The following KSR2 variants were observed in gnomAD, a reference collection of about 807,000 sequenced individuals.
KSR2 encodes kinase suppressor of ras 2.
KSR2 carries 25 observed loss-of-function variants against 107.8 expected under a neutral mutation model. That is an observed-to-expected ratio of 0.23 (90% CI 0.17 to 0.32). The LOEUF (loss-of-function observed/expected upper bound fraction) is 0.32. KSR2 is among the 10% of genes least tolerant of loss of function. The probability of loss-of-function intolerance (pLI) is 1.00; values close to 1 mark genes in which losing one functional copy is unlikely to be tolerated. For synonymous variants in KSR2, 480 were observed against 507.0 expected (o/e 0.95, Z 0.71); for missense variants, 887 against 1,268.9 (o/e 0.70, Z 4.57).
chr12:117,684,939 T>C (rs1885508779), intron 4 of KSR2, among the ~76,000 whole-genome samples: 1 of 152,202 alleles, frequency 6.6e-6, no homozygotes, highest in Non-Finnish European at 1.5e-5. Context: ...CAGAGGTACC[T>C]GTGCAAACAG....
At chr12:117,803,083 G>C (rs1266319646) in intron 3 of KSR2, among the ~76,000 whole-genome samples, 1 of 152,152 alleles carries the variant, frequency 6.6e-6, no homozygotes, top group Non-Finnish European at 1.5e-5. Context: ...AAGCGATTCT[G>C]GGCAAAATAA....
intron 1 of KSR2, among the ~76,000 whole-genome samples, chr12:117,929,311 G>C (rs1352813424): frequency 2.0e-5 from 3 of 152,148 alleles, no homozygotes; most frequent in Non-Finnish European, 2.9e-5. Flanking sequence ...ATTGAATCAT[G>C]GGGGTGGTTT....
intron 14 of KSR2, among the ~76,000 whole-genome samples, chr12:117,521,597 G>A (rs1874764453): frequency 6.6e-6 from 1 of 152,204 alleles, no homozygotes; most frequent in South Asian, 2.1e-4. Context: ...CATTCCCCAA[G>A]AGCCACACAT....
chr12:117,524,777 G>A (rs1302047324), intron 14 of KSR2, 75 bp downstream of exon 14: 3 of 1,515,336 alleles, frequency 2.0e-6, no homozygotes, highest in Non-Finnish European at 2.7e-6. Context: ...GGTCAAGTAA[G>A]CAGAAAACCA....
chr12:117,635,746 A>G (rs996979835), intron 5 of KSR2, among the ~76,000 whole-genome samples: 1 of 152,138 alleles, frequency 6.6e-6, no homozygotes, highest in African/African-American at 2.4e-5. Flanking sequence ...AACCTCTTAC[A>G]TAACCACAAT....
intron 4 of KSR2, among the ~76,000 whole-genome samples, chr12:117,753,807 A>G (rs1888690486): frequency 8.4e-6 from 1 of 118,750 alleles, no homozygotes; most frequent in Non-Finnish European, 1.7e-5. Flanking sequence ...CGTGACCTTA[A>G]AATGAAAGTT....
intron 14 of KSR2, among the ~76,000 whole-genome samples, chr12:117,512,363 C>T (rs1199520932): frequency 6.6e-6 from 1 of 152,168 alleles, no homozygotes; most frequent in African/African-American, 2.4e-5. Context: ...TGCAGGAATG[C>T]TGCGTCCTCT....
intron 1 of KSR2, among the ~76,000 whole-genome samples, chr12:117,927,782 T>C (rs778083563): frequency 6.6e-6 from 1 of 152,190 alleles, no homozygotes; most frequent in Non-Finnish European, 1.5e-5. Flanking sequence ...TGTACTCGTA[T>C]AAAATTAGCA....
At chr12:117,719,175 T>C (rs1483742553) in intron 4 of KSR2, among the ~76,000 whole-genome samples, 3 of 152,190 alleles carry the variant, frequency 2.0e-5, no homozygotes, top group Non-Finnish European at 4.4e-5. Flanking sequence ...AAAAATTCCA[T>C]GCTTCCACTT....
intron 3 of KSR2, among the ~76,000 whole-genome samples, chr12:117,843,929 CTTTT>C (rs58326707): frequency 3.9e-5 from 5 of 127,546 alleles, no homozygotes; most frequent in African/African-American, 5.9e-5. Flanking sequence ...TTAAGCTTCC[CTTTT>C]TTTTTTTTTT....
intron 3 of KSR2, among the ~76,000 whole-genome samples, chr12:117,818,172 T>G (rs942628382): frequency 7.9e-5 from 12 of 152,004 alleles, no homozygotes; most frequent in Admixed American, 7.9e-4. Flanking sequence ...GAGAGTAGAA[T>G]AGGGATCAAT....
At chr12:117,926,523 T>G (rs1265582070) in intron 1 of KSR2, among the ~76,000 whole-genome samples, 1 of 152,210 alleles carries the variant, frequency 6.6e-6, no homozygotes, top group Non-Finnish European at 1.5e-5. Context: ...GGTTGGCCTC[T>G]CTCTCTGGAG....
At chr12:117,605,972 C>T (rs1417140002) in intron 5 of KSR2, among the ~76,000 whole-genome samples, 3 of 151,902 alleles carry the variant, frequency 2.0e-5, no homozygotes, top group Non-Finnish European at 2.9e-5. Context: ...AAAAAGAAAC[C>T]AAAGAAAGAA....
intron 3 of KSR2, among the ~76,000 whole-genome samples, chr12:117,833,176 T>C (rs1006292376): frequency 6.6e-6 from 1 of 152,170 alleles, no homozygotes; most frequent in Admixed American, 6.5e-5. Flanking sequence ...TCTCCTCCCT[T>C]TTTACAAGGG....
chr12:117,527,348 G>C (rs7308327), intron 12 of KSR2, among the ~76,000 whole-genome samples: 41,422 of 106,182 alleles, frequency 0.39, 6,099 homozygotes, highest in South Asian at 0.49. Context: ...CACACACACA[G>C]ACACACACAC....
intron 1 of KSR2, among the ~76,000 whole-genome samples, chr12:117,939,113 C>T (rs11068751): frequency 0.36 from 54,276 of 151,944 alleles, 9,914 homozygotes; most frequent in East Asian, 0.41. Flanking sequence ...ATCACAGTGA[C>T]GACTTCAATA....
intron 5 of KSR2, among the ~76,000 whole-genome samples, chr12:117,615,253 A>G (rs983689705): frequency 1.9e-5 from 2 of 108,022 alleles, no homozygotes; most frequent in Non-Finnish European, 3.9e-5. Context: ...ACACACACAC[A>G]CACATCAGAT....
intron 5 of KSR2, among the ~76,000 whole-genome samples, chr12:117,663,880 C>A (rs16947853): frequency 6.6e-6 from 1 of 152,068 alleles, no homozygotes; most frequent in Non-Finnish European, 1.5e-5. Flanking sequence ...AGATGATCCA[C>A]TGGTGAAGAG....
chr12:117,591,699 C>G (rs1332177165), intron 5 of KSR2, among the ~76,000 whole-genome samples: 1 of 147,134 alleles, frequency 6.8e-6, no homozygotes, highest in Admixed American at 6.7e-5. Context: ...TCCACCTGGT[C>G]CCACCCCTGC....
Sources: gnomAD v4.1 joint callset for allele counts (sites outside exome capture counted in the v4.1 genomes callset) on GRCh38, gnomAD v4.1.1 for gene constraint, MANE v1.5 for transcripts, NCBI Gene and HGNC (gene_info 2026-07-23, HGNC 2026-07-21) for gene names.